Variants in FOCAD observed in about 807,000 individuals in gnomAD.
FOCAD encodes the protein focadhesin.
FOCAD carries 198 observed loss-of-function variants against 225.6 expected under a neutral mutation model. The ratio of observed to expected loss-of-function variants is 0.88; its 90% confidence interval spans 0.78 to 0.99. The LOEUF (loss-of-function observed/expected upper bound fraction) is 0.99. Ranked by LOEUF, FOCAD falls within the 50% of genes least tolerant of loss-of-function variation. FOCAD has a pLI of 0.00. For synonymous variants in FOCAD, 897 were observed against 755.0 expected (o/e 1.19, Z -3.08); for missense variants, 2,713 against 2,123.6 (o/e 1.28, Z -5.46).
intron 11 of FOCAD, among the ~76,000 whole-genome samples, chr9:20,790,980 G>A (rs924058686): frequency 2.0e-5 from 3 of 152,110 alleles, no homozygotes; most frequent in African/African-American, 7.2e-5. Flanking sequence ...TATGCGTAAT[G>A]TGAATCAGTT....
intron 9 of FOCAD, 43 bp from the exon 10 acceptor site, chr9:20,781,684 G>A: frequency 1.3e-6 from 2 of 1,566,038 alleles, no homozygotes. Flanking sequence ...GTTTGACTGT[G>A]GTATTAATTT....
At chr9:20,915,341 G>A (rs1180002351) in intron 23 of FOCAD, among the ~76,000 whole-genome samples, 1 of 152,054 alleles carries the variant, frequency 6.6e-6, no homozygotes, top group Non-Finnish European at 1.5e-5. Flanking sequence ...AGATGAAGAG[G>A]GAACCAATAA....
At chr9:20,790,960 T>G (rs566852142) in intron 11 of FOCAD, among the ~76,000 whole-genome samples, 47 of 152,290 alleles carry the variant, frequency 3.1e-4, no homozygotes, top group Admixed American at 8.5e-4. Flanking sequence ...AATACTTTTG[T>G]TTCATGGTGT....
intron 4 of FOCAD, among the ~76,000 whole-genome samples, chr9:20,731,240 A>AAAC (rs146322610): frequency 0.093 from 13,923 of 150,286 alleles, 762 homozygotes; most frequent in East Asian, 0.17. Flanking sequence ...TTTGTCTCCA[A>AAAC]AACAACAACA....
intron 2 of FOCAD, among the ~76,000 whole-genome samples, chr9:20,674,186 T>G (rs979931942): frequency 3.3e-5 from 5 of 152,328 alleles, no homozygotes; most frequent in South Asian, 2.1e-4. Flanking sequence ...TATATTAGTA[T>G]TAGAAATAAA....
chr9:20,804,430 G>T (rs1045826177), intron 11 of FOCAD, among the ~76,000 whole-genome samples: 2 of 151,924 alleles, frequency 1.3e-5, no homozygotes, highest in Non-Finnish European at 2.9e-5. Context: ...TCAGACAATG[G>T]TCTGCAAAAT....
rs1821781933 is a variant in FOCAD, at chr9:20,801,138, C to T, written c.1455+11530C>T. Among the ~76,000 whole-genome samples the T allele has an allele frequency of 2.0e-5, 3 of 152,148 alleles. No homozygotes were observed. In the South Asian group the frequency reaches 6.2e-4, roughly 32 times the overall value. On this transcript the variant is annotated intron_variant, in intron 11 of 43. Coordinates refer to ENST00000338382, the MANE Select transcript of FOCAD (RefSeq NM_001375567.1). ...CTCCAGACCCTGTTTGCCTGGGTATCAGCAGCGGAGGCTGCAGAACAGCGA... is the reference window on the plus strand; with the variant it reads ...CTCCAGACCCTGTTTGCCTGGGTATTAGCAGCGGAGGCTGCAGAACAGCGA...
intron 28 of FOCAD, among the ~76,000 whole-genome samples, chr9:20,937,455 G>C (rs76655147): frequency 0.095 from 14,233 of 150,592 alleles, 887 homozygotes; most frequent in Non-Finnish European, 0.14. Context: ...CTTTGACAAA[G>C]CTGACAAAAA....
chr9:20,699,749 AAAAAAAAAAAAAAAAAAAAAAAAAATAT>A (rs1479654148), intron 1 of FOCAD, among the ~76,000 whole-genome samples: 2 of 47,374 alleles, frequency 4.2e-5, no homozygotes, highest in Non-Finnish European at 3.8e-5. Context: ...AAAAAAAAAA[AAAAAAAAAAAAAAAAAAAAAAAAAATAT>A]ATATATATAT....
In FOCAD at chr9:20,986,409, C is replaced by T. The variant is rs1398671457; in HGVS notation, c.4850C>T (p.Ala1617Val). 5 of 1,612,710 alleles carry T rather than the reference C, an allele frequency of 3.1e-6. No individual in the cohort carries two copies. The highest frequency in any genetic ancestry group is 4.2e-6 in the Non-Finnish European group (5 of 1,179,766). The change falls in exon 40 of 44, where the codon GCC (alanine) becomes GTC (valine). Residue 1617 changes from alanine to valine, a missense_variant. Ala to Val is a moderately conservative substitution (Grantham distance 64). Transcript: ENST00000338382. The part of the protein sequence containing the change: ...AVQHREKEVL[A>V]WMILHSLYQA... Reference sequence around the variant, plus strand: ...CAGCACCGTGAGAAAGAGGTGTTGGCCTGGATGATTCTGCACAGCTTATAC... The same window carrying T: ...CAGCACCGTGAGAAAGAGGTGTTGGTCTGGATGATTCTGCACAGCTTATAC...
chr9:20,862,752 G>A, intron 16 of FOCAD, 40 bp downstream of exon 16: 1 of 1,585,060 alleles, frequency 6.3e-7, no homozygotes, highest in Non-Finnish European at 8.6e-7. Flanking sequence ...GCTTCTTCAT[G>A]GGAAAGATGT....
At chr9:20,785,034 G>C (rs1489011084) in intron 10 of FOCAD, among the ~76,000 whole-genome samples, 1 of 151,868 alleles carries the variant, frequency 6.6e-6, no homozygotes, top group Non-Finnish European at 1.5e-5. Flanking sequence ...CCCCCTTCAT[G>C]GGGTGGTTTA....
chr9:20,671,946 G>A lies in FOCAD; in HGVS notation c.-78+13120G>A, dbSNP rs563792783. ...CATAGTTTGAATTTGGCCGTAATAG[G>A]AATATTTACACCACAGAAATCAGCA... On this transcript the variant is annotated intron_variant, in intron 2 of 45. Transcript: ENST00000380249. Among the ~76,000 whole-genome samples the A allele has an allele frequency of 3.3e-5, 5 of 151,692 alleles. 1 individual carries two copies. In the South Asian group the frequency reaches 1.0e-3, roughly 32 times the overall value.
chr9:20,984,453 A>G lies in FOCAD; in HGVS notation c.4729-1835A>G, dbSNP rs147972585. Reference sequence around the variant, plus strand: ...TTTCCTTATTAGAAATTTAAAGACTAGGAAAACTTTTAAATATTTACTTAA... The same window carrying G: ...TTTCCTTATTAGAAATTTAAAGACTGGGAAAACTTTTAAATATTTACTTAA... On this transcript the variant is annotated intron_variant, in intron 39 of 43. Coordinates refer to ENST00000338382, the MANE Select transcript of FOCAD (RefSeq NM_001375567.1). Among the ~76,000 whole-genome samples, 591 of 152,376 alleles carry G rather than the reference A, an allele frequency of 3.9e-3. 5 individuals carry two copies. The highest frequency in any genetic ancestry group is 0.014 in the African/African-American group (572 of 41,588).
At chr9:20,837,045 T>G (rs1003664839) in intron 15 of FOCAD, among the ~76,000 whole-genome samples, 2 of 152,258 alleles carry the variant, frequency 1.3e-5, no homozygotes, top group South Asian at 2.1e-4. Context: ...CCTTTAGTAT[T>G]CCCAGATTTG....
chr9:20,826,432 G>A (rs1824897912), intron 15 of FOCAD, among the ~76,000 whole-genome samples: 1 of 152,080 alleles, frequency 6.6e-6, no homozygotes, highest in African/African-American at 2.4e-5. Flanking sequence ...GGGGCCCTCA[G>A]TCTTTTGGCC....
chr9:20,898,388 C>T (rs557761150), intron 21 of FOCAD, among the ~76,000 whole-genome samples: 1 of 151,434 alleles, frequency 6.6e-6, no homozygotes, highest in African/African-American at 2.4e-5. Context: ...TGTAGTTGTC[C>T]CACGGTTCTT....
At chr9:20,735,281 A>G in intron 4 of FOCAD, among the ~76,000 whole-genome samples, 1 of 152,156 alleles carries the variant, frequency 6.6e-6, no homozygotes, top group East Asian at 1.9e-4. Context: ...ACTTTGCTGA[A>G]ACTATCTGGA....
Position 20,981,670 on chromosome 9 carries a change from T to G in FOCAD, c.4622T>G (p.Leu1541Arg), listed in dbSNP as rs1167730612. 3 of 1,609,038 alleles carry G rather than the reference T, an allele frequency of 1.9e-6. No individual in the cohort carries two copies. In the South Asian group the frequency reaches 3.3e-5, roughly 18 times the overall value. The change falls in exon 38 of 44, where the codon CTG (leucine) becomes CGG (arginine). Residue 1541 changes from leucine (L) to arginine (R), a missense_variant. Coordinates refer to ENST00000338382, the MANE Select transcript of FOCAD (RefSeq NM_001375567.1). ...SEATGKIFDLLPNKIRRKDLE... is the reference protein window; with the variant it reads ...SEATGKIFDLRPNKIRRKDLE... ...GCTACTGGGAAAATTTTTGACCTCCTGCCAAATAAGATTCGGGTGAGGAAC... is the reference window on the plus strand; with the variant it reads ...GCTACTGGGAAAATTTTTGACCTCCGGCCAAATAAGATTCGGGTGAGGAAC...
Sources: gnomAD v4.1 joint callset for allele counts (sites outside exome capture counted in the v4.1 genomes callset) on GRCh38, gnomAD v4.1.1 for gene constraint, MANE v1.5 for transcripts, NCBI Gene and HGNC (gene_info 2026-07-23, HGNC 2026-07-21) for gene names.